ATL2: variants seen among roughly 807,000 people sequenced by gnomAD.
The protein encoded by ATL2 is atlastin GTPase 2, also known as atlastin-2.
Under a neutral mutation model 73.9 loss-of-function variants are expected in ATL2, and 31 were observed. The ratio of observed to expected loss-of-function variants is 0.42; its 90% CI spans 0.32 to 0.57. ATL2 has a LOEUF of 0.57. Ranked by LOEUF, ATL2 falls within the 20% of genes least tolerant of loss-of-function variation. The pLI is 0.14. For missense variants in ATL2, 738 were observed against 702.6 expected, an observed-to-expected ratio of 1.05 and a Z score of -0.57; for synonymous variants, 291 against 237.5, an observed-to-expected ratio of 1.23 and a Z score of -2.07.
intron 1 of ATL2, among the ~76,000 whole-genome samples, chr2:38,344,524 C>T (rs929958046): frequency 6.6e-6 from 1 of 152,120 alleles, no homozygotes; most frequent in East Asian, 1.9e-4. Context: ...ACAGGAGAAT[C>T]GCTTGAACCT....
rs114340744 is a variant in ATL2 at position 38,342,101 on chromosome 2, C to T, written c.363+1167G>A. ...CAATTATCAGAAAAACATTCCAACT[C>T]GAGTGAAAAAATTTTTTTTGCTTTT... On this transcript the variant is annotated intron_variant, in intron 2 of 12. Coordinates refer to ENST00000378954, the MANE Select transcript of ATL2 (RefSeq NM_001135673.4). Among the ~76,000 whole-genome samples, 1,204 of 151,920 alleles carry T rather than the reference C, an allele frequency of 7.9e-3. 20 individuals carry two copies. The highest frequency in any genetic ancestry group is 0.027 in the African/African-American group (1,135 of 41,422).
At chr2:38,317,737 T>C (rs1337387081) in intron 4 of ATL2, among the ~76,000 whole-genome samples, 1 of 152,124 alleles carries the variant, frequency 6.6e-6, no homozygotes, top group Non-Finnish European at 1.5e-5. Context: ...ATACTCTCCA[T>C]ATTACTGTGT....
intron 1 of ATL2, among the ~76,000 whole-genome samples, chr2:38,347,703 G>A (rs1670103798): frequency 6.7e-6 from 1 of 149,216 alleles, no homozygotes; most frequent in Non-Finnish European, 1.5e-5. Flanking sequence ...CAGGTTCCTT[G>A]TAAATATTTC....
rs538253694 is a variant in ATL2, at chr2:38,310,782, C to G, written c.805-335G>C. ...CCTCCCGAGTAGCTGGGATTACAGGCGTGCACCACCATGCCCGGCTAATTT... is the reference window on the plus strand; with the variant it reads ...CCTCCCGAGTAGCTGGGATTACAGGGGTGCACCACCATGCCCGGCTAATTT... On this transcript the variant is annotated intron_variant, in intron 7 of 12. Transcript: ENST00000378954. Among the ~76,000 whole-genome samples, 6 of 152,066 alleles carry G rather than the reference C, an allele frequency of 3.9e-5. No homozygotes were observed. The South Asian group carries it at 8.3e-4, about 21-fold the overall frequency.
chr2:38,350,469 T>G (rs188387909), intron 1 of ATL2, among the ~76,000 whole-genome samples: 11 of 152,272 alleles, frequency 7.2e-5, no homozygotes, highest in South Asian at 2.1e-4. Flanking sequence ...TGAACAGGCA[T>G]AACACAGAAG....
intron 3 of ATL2, 26 bp from the exon 4 acceptor site, chr2:38,318,665 T>G: frequency 1.3e-6 from 2 of 1,542,152 alleles, no homozygotes; most frequent in Non-Finnish European, 1.8e-6. Context: ...TTTAAAATAT[T>G]TAGTAAAACA....
Position 38,304,652 on chromosome 2 carries a change from G to A in ATL2, c.1072-4324C>T, listed in dbSNP as rs574251697. ...CAACGAAAAGTTTAAAAAGTGGGGG[G>A]ATGAAGTTAAAGTGTAGAATTTTTA... On this transcript the variant is annotated intron_variant, in intron 9 of 12. Transcript: ENST00000378954. Among the ~76,000 whole-genome samples the A allele has an allele frequency of 2.4e-4, 36 of 152,260 alleles. No homozygotes were observed. In the South Asian group the frequency reaches 7.0e-3, roughly 30 times the overall value.
chr2:38,340,433 T>C (rs1669649040), intron 2 of ATL2, among the ~76,000 whole-genome samples: 1 of 152,158 alleles, frequency 6.6e-6, no homozygotes, highest in South Asian at 2.1e-4. Flanking sequence ...CATAGAATAC[T>C]TGAGTGTAAC....
At chr2:38,320,903 G>C (rs1381261126) in intron 2 of ATL2, among the ~76,000 whole-genome samples, 1 of 151,872 alleles carries the variant, frequency 6.6e-6, no homozygotes, top group Non-Finnish European at 1.5e-5. Context: ...CCAGCACTTT[G>C]AGAGGCTGAG....
intron 1 of ATL2, among the ~76,000 whole-genome samples, chr2:38,372,234 T>C (rs761680966): frequency 2.0e-5 from 3 of 151,508 alleles, no homozygotes; most frequent in Non-Finnish European, 2.9e-5. Context: ...CCTCCATATC[T>C]ATGGGTTCTA....
intron 2 of ATL2, among the ~76,000 whole-genome samples, chr2:38,329,327 T>C (rs541861738): frequency 1.1e-4 from 16 of 142,900 alleles, no homozygotes; most frequent in South Asian, 6.6e-4. Flanking sequence ...ACCCAGGAGA[T>C]TGAGGCAGGA....
At chr2:38,318,306 G>A (rs756173858) in intron 4 of ATL2, 56 of 335,092 alleles carry the variant, frequency 1.7e-4, no homozygotes, top group Middle Eastern at 1.7e-3. Context: ...GGTGAAACCC[G>A]TCTCTACTAA....
At chr2:38,362,777 A>G (rs1341626136) in intron 1 of ATL2, among the ~76,000 whole-genome samples, 3 of 152,194 alleles carry the variant, frequency 2.0e-5, no homozygotes, top group East Asian at 3.8e-4. Context: ...AATAGAAAAC[A>G]TATGTGTGAT....
chr2:38,376,832 G>A (rs1449847743), intron 1 of ATL2, among the ~76,000 whole-genome samples: 4 of 151,262 alleles, frequency 2.6e-5, no homozygotes, highest in East Asian at 1.9e-4. Flanking sequence ...GCCCCCTAAG[G>A]TCGGGGCGGA....
chr2:38,354,873 A>T (rs774976900), intron 1 of ATL2, among the ~76,000 whole-genome samples: 1 of 152,166 alleles, frequency 6.6e-6, no homozygotes, highest in Non-Finnish European at 1.5e-5. Flanking sequence ...CTGGGTAAGA[A>T]GAGCGAAACT....
At chr2:38,300,563 C>CTAACATA in intron 9 of ATL2, 2 of 359,242 alleles carry the variant, frequency 5.6e-6, no homozygotes, top group Non-Finnish European at 9.9e-6. Context: ...AGTTATAACT[C>CTAACATA]AAAGTTAGAT....
rs1036740002 is a variant in ATL2, at chr2:38,295,047, A to AT, written c.*946dup. On this transcript the variant is annotated 3_prime_UTR_variant, in exon 13 of 13. Transcript: ENST00000378954. ...AGTGCTCAAGATAAATATCACAAAT[A>AT]TATCAAAAACTTCAAATTGTCTATG... 12 of 151,556 alleles carry AT rather than the reference A, an allele frequency of 7.9e-5. No individual in the cohort carries two copies. Among genetic ancestry groups the AT allele is most frequent in the Non-Finnish European group, 5.9e-5 (4 of 67,954 alleles). The allele number at this position is 151,556 out of a possible 1,614,324, so 9.4% of individuals were successfully genotyped here.
At chr2:38,377,092 G>A (rs1385287644) in intron 1 of ATL2, 51 bp downstream of exon 1, 19 of 1,551,528 alleles carry the variant, frequency 1.2e-5, no homozygotes, top group African/African-American at 1.1e-4. Context: ...CCCGAGCAGC[G>A]AGCGTCTCTC....
intron 1 of ATL2, among the ~76,000 whole-genome samples, chr2:38,364,144 A>C (rs956397752): frequency 2.0e-5 from 3 of 152,042 alleles, no homozygotes; most frequent in African/African-American, 7.2e-5. Context: ...TGCCTGTAAT[A>C]CCAGCTACTC....
Sources: allele counts gnomAD v4.1 joint callset (sites outside exome capture counted in the v4.1 genomes callset), GRCh38; gene constraint gnomAD v4.1.1; transcripts MANE v1.5; gene names NCBI Gene and HGNC (gene_info 2026-07-23, HGNC 2026-07-21).